Variants in PIK3C2G observed in about 807,000 individuals in gnomAD.
The protein encoded by PIK3C2G is phosphatidylinositol-4-phosphate 3-kinase catalytic subunit type 2 gamma.
Under a neutral mutation model 181.1 loss-of-function variants are expected in PIK3C2G, and 168 were observed. The ratio of observed to expected loss-of-function variants is 0.93; its 90% confidence interval spans 0.82 to 1.05. The LOEUF (loss-of-function observed/expected upper bound fraction) is 1.05. Among genes scored for constraint, PIK3C2G ranks in the 50% least tolerant of loss-of-function variants. The pLI is 0.00. For synonymous variants in PIK3C2G, 573 were observed against 592.2 expected (o/e 0.97, Z 0.47); for missense variants, 1,869 against 1,732.8 (o/e 1.08, Z -1.40).
At chr12:18,414,563 ATATTT>A (rs1406377835) in intron 16 of PIK3C2G, among the ~76,000 whole-genome samples, 3 of 152,004 alleles carry the variant, frequency 2.0e-5, no homozygotes, top group African/African-American at 4.8e-5. Context: ...TAGTTATATC[ATATTT>A]AATTTAACTA....
intron 16 of PIK3C2G, among the ~76,000 whole-genome samples, chr12:18,409,451 A>G (rs1465268774): frequency 6.6e-6 from 1 of 152,082 alleles, no homozygotes; most frequent in Non-Finnish European, 1.5e-5. Context: ...AATGTAGATG[A>G]TGGGTTGATG....
rs182231155 is a variant in PIK3C2G at position 18,481,998 on chromosome 12, A to C, written c.2505-6451A>C. Among the ~76,000 whole-genome samples the C allele has an allele frequency of 2.6e-5, 4 of 152,308 alleles. No homozygotes were observed. In the East Asian group the frequency reaches 7.7e-4, roughly 29 times the overall value. On this transcript the variant is annotated intron_variant, in intron 18 of 32. Transcript: ENST00000538779. ...CAAAACTTTTAACGATTTAAAAAAT[A>C]CTACCTTTTCCCTTTCACATTCCCT...
chr12:18,338,066 C>T (rs1014645875), intron 8 of PIK3C2G, among the ~76,000 whole-genome samples: 1 of 152,068 alleles, frequency 6.6e-6, no homozygotes, highest in Non-Finnish European at 1.5e-5. Flanking sequence ...TTGTCTAAGG[C>T]TGAGTTTCCC....
At chr12:18,433,226 T>G (rs923870572) in intron 18 of PIK3C2G, among the ~76,000 whole-genome samples, 3 of 152,130 alleles carry the variant, frequency 2.0e-5, no homozygotes, top group African/African-American at 7.2e-5. Flanking sequence ...TTTAAAACAT[T>G]AAATGTGTCC....
intron 29 of PIK3C2G, among the ~76,000 whole-genome samples, chr12:18,577,983 T>C (rs759130925): frequency 2.0e-5 from 3 of 152,212 alleles, no homozygotes; most frequent in African/African-American, 4.8e-5. Context: ...TTTTATACTC[T>C]CTGGCCAGGG....
Position 18,505,310 on chromosome 12 carries a change from T to A in PIK3C2G, c.3172T>A (p.Tyr1058Asn). 6.2e-7 allele frequency: 1 copy of A among 1,601,024 alleles called. No homozygotes were observed. The highest frequency in any genetic ancestry group is 8.5e-7 in the Non-Finnish European group (1 of 1,173,436). ...DYEKALRNFF[Y>N]SCAGWCVVTF... is the part of the protein sequence containing the mutation. Reference sequence around the variant, plus strand: ...GAATTAGGCCTTGAGGAACTTTTTCTACTCCTGTGCTGGCTGGTGTGTGGT... The same window carrying A: ...GAATTAGGCCTTGAGGAACTTTTTCAACTCCTGTGCTGGCTGGTGTGTGGT... Residue 1058 changes from tyrosine (Y) to asparagine (N), a missense_variant, in exon 24 of 33, where the codon TAC (tyrosine) becomes AAC (asparagine). Tyr to Asn is a moderately radical substitution (Grantham distance 143). Transcript: ENST00000538779.
chr12:18,327,733 A>T (rs1411093512), intron 8 of PIK3C2G, among the ~76,000 whole-genome samples: 1 of 152,048 alleles, frequency 6.6e-6, no homozygotes, highest in African/African-American at 2.4e-5. Context: ...TTTCAGAAAT[A>T]TTAAGAATGG....
At chr12:18,658,299 C>G in the PIK3C2G span, among the ~76,000 whole-genome samples, 1 of 151,970 alleles carries the variant, frequency 6.6e-6, no homozygotes, top group Admixed American at 6.6e-5. Flanking sequence ...AATAATGGTC[C>G]AAAACATCAA....
chr12:18,492,203 C>T lies in PIK3C2G; in HGVS notation c.2793+645C>T, dbSNP rs1940632467. Among the ~76,000 whole-genome samples the T allele has an allele frequency of 3.9e-5, 6 of 151,950 alleles. No homozygotes were observed. In the South Asian group the frequency reaches 1.2e-3, roughly 31 times the overall value. On this transcript the variant is annotated intron_variant, in intron 20 of 32. Coordinates refer to ENST00000538779, the MANE Select transcript of PIK3C2G (RefSeq NM_001288772.2). Reference sequence around the variant, plus strand: ...CTTTATTATCTTCCTTCTCAAAAGCCCAAGAGTACAAAGACACTAACAGAG... The same window carrying T: ...CTTTATTATCTTCCTTCTCAAAAGCTCAAGAGTACAAAGACACTAACAGAG...
chr12:18,281,939 A>ATCTG lies in PIK3C2G; in HGVS notation c.-78-61_-78-58dup, dbSNP rs1320253328. On this transcript the variant is annotated intron_variant, in intron 1 of 32. Coordinates refer to ENST00000538779, the MANE Select transcript of PIK3C2G (RefSeq NM_001288772.2). ...AGTTAGTTATAGTTATTTATCCTAT[A>ATCTG]TCTGTCTTACAAGCTCTTTTCTTTC... 12 of 614,762 alleles carry ATCTG rather than the reference A, an allele frequency of 2.0e-5. No individual in the cohort carries two copies. The Admixed American group carries it at 2.2e-4, about 11-fold the overall frequency. 38.1% of individuals were successfully genotyped at this position (614,762 alleles called of 1,614,324 possible).
At chr12:18,693,895 G>A in the PIK3C2G span, 19 of 1,530,114 alleles carry the variant, frequency 1.2e-5, no homozygotes, top group East Asian at 2.3e-5. Context: ...GCAGGATGAC[G>A]CTGGCTGATG....
intron 20 of PIK3C2G, among the ~76,000 whole-genome samples, chr12:18,495,651 TTAAAG>T (rs1940944491): frequency 1.3e-5 from 2 of 152,148 alleles, no homozygotes; most frequent in Non-Finnish European, 2.9e-5. Flanking sequence ...CTATTTTTCC[TTAAAG>T]TATTCTGCAA....
At chr12:18,616,371 G>GA (rs1488872223) in intron 31 of PIK3C2G, among the ~76,000 whole-genome samples, 3 of 152,032 alleles carry the variant, frequency 2.0e-5, no homozygotes, top group Non-Finnish European at 4.4e-5. Context: ...TACATCATGT[G>GA]AAAAATATCC....
the PIK3C2G span, among the ~76,000 whole-genome samples, chr12:18,697,691 G>T: frequency 6.6e-6 from 1 of 152,012 alleles, no homozygotes; most frequent in Admixed American, 6.6e-5. Flanking sequence ...TTTTGTATGT[G>T]TATAATTTTT....
intron 30 of PIK3C2G, among the ~76,000 whole-genome samples, 159 bp from the exon 31 acceptor site, chr12:18,609,376 C>T (rs1161873375): frequency 6.6e-6 from 1 of 152,084 alleles, no homozygotes; most frequent in African/African-American, 2.4e-5. Flanking sequence ...CTCTATGTAA[C>T]CAACTGCCTC....
chr12:18,688,233 A>C, the PIK3C2G span: 1 of 1,596,214 alleles, frequency 6.3e-7, no homozygotes, highest in Non-Finnish European at 8.5e-7. Context: ...ACAAATATAT[A>C]TGAATATAAG....
chr12:18,684,064 G>C, the PIK3C2G span: 1 of 1,541,294 alleles, frequency 6.5e-7, no homozygotes, highest in African/African-American at 1.4e-5. Context: ...ATGTCAAAAT[G>C]TGTCTTTGAT....
chr12:18,717,925 A>G, the PIK3C2G span, among the ~76,000 whole-genome samples: 1 of 151,962 alleles, frequency 6.6e-6, no homozygotes, highest in East Asian at 1.9e-4. Flanking sequence ...AGCTAGCAAT[A>G]TGCTGTATGA....
intron 12 of PIK3C2G, among the ~76,000 whole-genome samples, chr12:18,366,654 TGTA>T (rs1941663776): frequency 6.6e-6 from 1 of 152,140 alleles, no homozygotes; most frequent in Admixed American, 6.6e-5. Flanking sequence ...TAAGAAAAAT[TGTA>T]GTGATTATTC....
Sources: gnomAD v4.1 joint callset for allele counts (sites outside exome capture counted in the v4.1 genomes callset) on GRCh38, gnomAD v4.1.1 for gene constraint, MANE v1.5 for transcripts, NCBI Gene and HGNC (gene_info 2026-07-23, HGNC 2026-07-21) for gene names.